Variants in SNX29 observed in about 807,000 individuals in gnomAD.
SNX29 encodes sorting nexin-29.
A neutral mutation model predicts 102.1 loss-of-function variants in SNX29; 78 were observed. The ratio of observed to expected loss-of-function variants is 0.76; its 90% confidence interval spans 0.64 to 0.92. The LOEUF (loss-of-function observed/expected upper bound fraction) is 0.92, where lower values mean the gene tolerates loss of function less well. SNX29 is among the 40% of genes least tolerant of loss of function. SNX29 has a pLI of 0.00. For synonymous variants in SNX29, 580 were observed against 414.5 expected, an observed-to-expected ratio of 1.40 and a Z score of -4.85; for missense variants, 1,280 against 1,061.7, an observed-to-expected ratio of 1.21 and a Z score of -2.86.
At chr16:12,469,605 G>A (rs147674394) in intron 18 of SNX29, among the ~76,000 whole-genome samples, 28 of 152,318 alleles carry the variant, frequency 1.8e-4, no homozygotes, top group African/African-American at 5.8e-4. Flanking sequence ...ATGTGGTATA[G>A]GCTTTAGGGG....
intron 20 of SNX29, among the ~76,000 whole-genome samples, chr16:12,555,888 TC>T (rs1194776138): frequency 6.6e-6 from 1 of 152,092 alleles, no homozygotes; most frequent in Non-Finnish European, 1.5e-5. Context: ...CTTTCTGCCC[TC>T]CTGTTCTTGG....
chr16:12,344,035 C>T (rs1460250685), intron 15 of SNX29, among the ~76,000 whole-genome samples: 1 of 152,176 alleles, frequency 6.6e-6, no homozygotes, highest in Non-Finnish European at 1.5e-5. Context: ...TAGTGAGTCT[C>T]ATGAGATCTG....
intron 20 of SNX29, among the ~76,000 whole-genome samples, chr16:12,560,434 G>A (rs565614184): frequency 6.6e-6 from 1 of 152,110 alleles, no homozygotes; most frequent in African/African-American, 2.4e-5. Context: ...AGGCATCCAT[G>A]TCCCCAGCCC....
At chr16:12,300,098 C>T (rs901753429) in intron 15 of SNX29, among the ~76,000 whole-genome samples, 2 of 152,216 alleles carry the variant, frequency 1.3e-5, no homozygotes, top group African/African-American at 4.8e-5. Context: ...TCTTGAACTC[C>T]TGACTTCAGG....
At chr16:12,564,218 AC>A (rs1477545746) in intron 20 of SNX29, among the ~76,000 whole-genome samples, 1 of 76,368 alleles carries the variant, frequency 1.3e-5, no homozygotes, top group East Asian at 6.3e-4. Context: ...GGAGACCCCC[AC>A]ATCTCTAAGA....
intron 18 of SNX29, among the ~76,000 whole-genome samples, chr16:12,414,235 G>A (rs1007105807): frequency 6.6e-6 from 1 of 152,190 alleles, no homozygotes; most frequent in African/African-American, 2.4e-5. Context: ...TGAGCCAGGT[G>A]TGGTGGCTTG....
At chr16:12,426,046 A>G (rs1445122432) in intron 18 of SNX29, among the ~76,000 whole-genome samples, 1 of 150,932 alleles carries the variant, frequency 6.6e-6, no homozygotes, top group Non-Finnish European at 1.5e-5. Context: ...CTAAAGGCTT[A>G]CTGGGACAAA....
At chr16:12,115,469 G>T (rs1181503420) in intron 11 of SNX29, among the ~76,000 whole-genome samples, 3 of 146,292 alleles carry the variant, frequency 2.1e-5, no homozygotes, top group African/African-American at 7.8e-5. Context: ...TTGCCCCTGG[G>T]TTGCTCCACC....
chr16:12,451,415 C>G (rs1023494774), intron 18 of SNX29, among the ~76,000 whole-genome samples: 1 of 152,212 alleles, frequency 6.6e-6, no homozygotes, highest in South Asian at 2.1e-4. Flanking sequence ...TAGGAGCCTC[C>G]TCTTGTCCCC....
At chr16:12,182,629 T>C (rs540357664) in intron 13 of SNX29, among the ~76,000 whole-genome samples, 188 of 152,130 alleles carry the variant, frequency 1.2e-3, no homozygotes, top group Non-Finnish European at 2.4e-3. Flanking sequence ...TTACCCTCAA[T>C]GGGACATAGA....
At chr16:12,403,086 G>C (rs1477119) in intron 17 of SNX29, among the ~76,000 whole-genome samples, 1 of 151,894 alleles carries the variant, frequency 6.6e-6, no homozygotes, top group South Asian at 2.1e-4. Flanking sequence ...TGGGGCTTCC[G>C]GTTATTATCT....
At chr16:12,383,762 C>T (rs116162031) in intron 16 of SNX29, among the ~76,000 whole-genome samples, 3,455 of 146,728 alleles carry the variant, frequency 0.024, 155 homozygotes, top group African/African-American at 0.084. Flanking sequence ...AAAAAAGATA[C>T]GTCAACTTTC....
intron 20 of SNX29, among the ~76,000 whole-genome samples, chr16:12,540,918 G>T (rs1010332762): frequency 2.0e-5 from 3 of 152,136 alleles, no homozygotes; most frequent in Non-Finnish European, 4.4e-5. Context: ...AGCCCTGTCT[G>T]TTCACCCCCT....
intron 19 of SNX29, among the ~76,000 whole-genome samples, chr16:12,489,721 C>G (rs1283161758): frequency 2.6e-5 from 4 of 152,204 alleles, no homozygotes; most frequent in African/African-American, 9.6e-5. Context: ...GGTGACAACT[C>G]CCACATAGGC....
chr16:12,566,529 G>C (rs2079017396), intron 20 of SNX29, among the ~76,000 whole-genome samples: 1 of 152,232 alleles, frequency 6.6e-6, no homozygotes, highest in Non-Finnish European at 1.5e-5. Flanking sequence ...CGCATCTGAA[G>C]AGCATGACAG....
chr16:12,206,710 A>G (rs1038379223), intron 14 of SNX29, among the ~76,000 whole-genome samples: 10 of 151,814 alleles, frequency 6.6e-5, no homozygotes, highest in African/African-American at 1.2e-4. Context: ...CCCACAGAGC[A>G]ATGGTTCCTA....
At chr16:12,548,588 C>T (rs569824950) in intron 20 of SNX29, among the ~76,000 whole-genome samples, 2 of 152,314 alleles carry the variant, frequency 1.3e-5, no homozygotes, top group Middle Eastern at 3.4e-3. Flanking sequence ...GTAAGTCCCA[C>T]TCCAGGCCCG....
chr16:12,468,753 G>A (rs2087196000), intron 18 of SNX29, among the ~76,000 whole-genome samples: 1 of 152,226 alleles, frequency 6.6e-6, no homozygotes, highest in Non-Finnish European at 1.5e-5. Context: ...GAGGGAACAC[G>A]CAGTTCTGCC....
At chr16:12,418,452 T>G (rs1329085572) in intron 18 of SNX29, among the ~76,000 whole-genome samples, 3 of 152,122 alleles carry the variant, frequency 2.0e-5, no homozygotes, top group Non-Finnish European at 4.4e-5. Flanking sequence ...GGCTGTGGTC[T>G]TAGGGTTTCT....
Sources: allele counts gnomAD v4.1 joint callset (sites outside exome capture counted in the v4.1 genomes callset), GRCh38; gene constraint gnomAD v4.1.1; transcripts MANE v1.5; gene names NCBI Gene and HGNC (gene_info 2026-07-23, HGNC 2026-07-21).